MIA2: variants seen among roughly 807,000 people sequenced by gnomAD.
MIA2 encodes MIA SH3 domain ER export factor 2.
In MIA2, 127 loss-of-function variants were observed where a neutral mutation model predicts 167.8. The observed-to-expected ratio is 0.76, with a 90% CI of 0.66 to 0.88. The LOEUF (loss-of-function observed/expected upper bound fraction) is 0.88, where lower values mean the gene tolerates loss of function less well. MIA2 is among the 40% of genes least tolerant of loss of function. The pLI is 0.00. For synonymous variants in MIA2, 552 were observed against 541.9 expected, an observed-to-expected ratio of 1.02 and a Z score of -0.26; for missense variants, 1,690 against 1,624.7, an observed-to-expected ratio of 1.04 and a Z score of -0.69.
At chr14:39,384,042 G>T (rs1222697986) in intron 23 of MIA2, among the ~76,000 whole-genome samples, 1 of 152,210 alleles carries the variant, frequency 6.6e-6, no homozygotes, top group Non-Finnish European at 1.5e-5. Context: ...CAGATTTTCA[G>T]TGTAGACAAA....
intron 23 of MIA2, among the ~76,000 whole-genome samples, chr14:39,357,679 AGTGG>A (rs2074565028): frequency 6.6e-6 from 1 of 152,178 alleles, no homozygotes; most frequent in Admixed American, 6.5e-5. Context: ...ATGTTTTTGC[AGTGG>A]CTGTTACAGG....
intron 5 of MIA2, 40 bp downstream of exon 5, chr14:39,253,006 G>A (rs1431965940): frequency 6.4e-7 from 1 of 1,560,302 alleles, no homozygotes; most frequent in Non-Finnish European, 8.7e-7. Context: ...CATCAATTAA[G>A]GAAGAAATTA....
intron 23 of MIA2, among the ~76,000 whole-genome samples, chr14:39,357,633 C>G (rs998970721): frequency 3.9e-5 from 6 of 152,100 alleles, no homozygotes; most frequent in South Asian, 2.1e-4. Context: ...AGTTGATGCA[C>G]TTTCTTCCTA....
chr14:39,289,901 A>C (rs543715879), intron 9 of MIA2, among the ~76,000 whole-genome samples: 15 of 152,324 alleles, frequency 9.8e-5, no homozygotes, highest in Non-Finnish European at 2.1e-4. Context: ...TTCTTGGCTC[A>C]TAACTATGTC....
At position 39,238,793 on chromosome 14, in the gene MIA2, C is replaced by CAAAAAAAAAAAAAAAAAAAA. The variant is rs769534317; in HGVS notation, c.250-1750_250-1749insAAAAAAAAAAAAAAAAAAAA. 6.2e-4 allele frequency among the ~76,000 whole-genome samples: 19 copies of CAAAAAAAAAAAAAAAAAAAA among 30,816 alleles called. 3 individuals carry two copies. Among genetic ancestry groups the CAAAAAAAAAAAAAAAAAAAA allele is most frequent in the East Asian group, 1.8e-3 (1 of 562 alleles). 20.2% of individuals were successfully genotyped at this position (30,816 alleles called of 152,430 possible). On this transcript the variant is annotated intron_variant, in intron 2 of 28. Coordinates refer to ENST00000640607, the MANE Select transcript of MIA2 (RefSeq NM_001329214.4). ...TGGGTTACAAAGTGAGACCCTGTCTCAAAAAAAAAAAAAAAAAACCCAAAA... is the reference window on the plus strand; with the variant it reads ...TGGGTTACAAAGTGAGACCCTGTCTCAAAAAAAAAAAAAAAAAAAAAAAAAAAAAAAAAAAAAACCCAAAA...
chr14:39,273,202 C>T (rs561823078), intron 6 of MIA2, among the ~76,000 whole-genome samples: 22 of 149,626 alleles, frequency 1.5e-4, no homozygotes, highest in African/African-American at 3.9e-4. Context: ...GTTGATAGAG[C>T]GGACATTATT....
chr14:39,245,081 C>CATTTTTTTTTTTTT (rs761421469), intron 3 of MIA2, among the ~76,000 whole-genome samples: 1 of 119,718 alleles, frequency 8.4e-6, no homozygotes, highest in Admixed American at 8.8e-5. Context: ...CCTAGCTAAC[C>CATTTTTTTTTTTTT]TTTTTTTTTT....
chr14:39,280,072 A>AT (rs1594952088), intron 9 of MIA2, among the ~76,000 whole-genome samples: 3 of 151,316 alleles, frequency 2.0e-5, no homozygotes, highest in African/African-American at 4.9e-5. Flanking sequence ...GTGAAGATTC[A>AT]TTTTTTTTCC....
downstream of MIA2, among the ~76,000 whole-genome samples, chr14:39,354,836 G>C (rs988882594): frequency 4.6e-5 from 7 of 152,032 alleles, no homozygotes; most frequent in Admixed American, 2.0e-4. Flanking sequence ...CCCATTTCTT[G>C]TTTTTCTCAG....
chr14:39,237,302 A>T, intron 2 of MIA2: 4 of 464,530 alleles, frequency 8.6e-6, no homozygotes, highest in East Asian at 4.5e-5. Context: ...TAATTTTTGT[A>T]TTCTTGGTAG....
chr14:39,238,807 A>AAAAAAAAAAAAAAAAAAAAAAC (rs1566583465), intron 2 of MIA2, among the ~76,000 whole-genome samples: 1 of 148,392 alleles, frequency 6.7e-6, no homozygotes, highest in African/African-American at 2.5e-5. Flanking sequence ...AAAAAAAAAA[A>AAAAAAAAAAAAAAAAAAAAAAC]AAAACCCAAA....
In MIA2 at chr14:39,304,374, G is replaced by T. The variant is rs1006708940; in HGVS notation, c.2871G>T (p.Glu957Asp). ...QLSEVDKTKE[E>D]LTEHIKNLQT... is the part of the protein sequence containing the mutation. Reference sequence around the variant, plus strand: ...CTGAAGTTGATAAAACAAAGGAAGAGCTTACAGGTAGGTCATTGACATACA... The same window carrying T: ...CTGAAGTTGATAAAACAAAGGAAGATCTTACAGGTAGGTCATTGACATACA... Residue 957 changes from glutamate to aspartate, a missense_variant, in exon 17 of 29, where the codon GAG becomes GAT. By Grantham distance (45) the Glu-to-Asp change is conservative. Coordinates refer to ENST00000640607, the MANE Select transcript of MIA2 (RefSeq NM_001329214.4). The T allele has an allele frequency of 4.5e-6, 7 of 1,555,958 alleles. No homozygotes were observed. The highest frequency in any genetic ancestry group is 2.6e-6 in the Non-Finnish European group (3 of 1,147,368).
intron 6 of MIA2, among the ~76,000 whole-genome samples, chr14:39,269,946 A>T (rs192494499): frequency 7.5e-4 from 114 of 152,214 alleles, no homozygotes; most frequent in Middle Eastern, 3.4e-3. Flanking sequence ...TTTGTGTATA[A>T]GTTTTTATAT....
intron 4 of MIA2, among the ~76,000 whole-genome samples, chr14:39,249,981 C>G (rs1310518682): frequency 6.6e-6 from 1 of 152,100 alleles, no homozygotes; most frequent in East Asian, 1.9e-4. Flanking sequence ...TAACCCTTTT[C>G]CAAATGAGAA....
At chr14:39,307,924 T>C (rs1269222149) in intron 17 of MIA2, among the ~76,000 whole-genome samples, 1 of 151,900 alleles carries the variant, frequency 6.6e-6, no homozygotes, top group Non-Finnish European at 1.5e-5. Flanking sequence ...ATAGTAATAG[T>C]AATATGAGGG....
Position 39,293,299 on chromosome 14 carries a change from A to T in MIA2, c.2237A>T (p.Asn746Ile), listed in dbSNP as rs750137503. 4.2e-5 allele frequency: 67 copies of T among 1,612,618 alleles called. No homozygotes were observed. The highest frequency in any genetic ancestry group is 5.3e-5 in the Non-Finnish European group (63 of 1,179,232). The change falls in exon 11 of 29, where the codon AAT becomes ATT. Residue 746 changes from asparagine to isoleucine, a missense_variant. Asn to Ile is a moderately radical substitution (Grantham distance 149). Transcript: ENST00000640607. Reference sequence around the variant, plus strand: ...ACCTGTGAAAAGCTGAACAGGTCCAATTCTGAACTTGAGGATGAAATACTC... The same window carrying T: ...ACCTGTGAAAAGCTGAACAGGTCCATTTCTGAACTTGAGGATGAAATACTC... The part of the protein sequence containing the change: ...EATCEKLNRS[N>I]SELEDEILCL...
rs1474075562 is a variant in MIA2, at chr14:39,373,705, C to T, written c.2249-13180C>T. Among the ~76,000 whole-genome samples, 3 of 152,228 alleles carry T rather than the reference C, an allele frequency of 2.0e-5. No individual in the cohort carries two copies. The East Asian group carries it at 5.8e-4, about 29-fold the overall frequency. ...GCATGGTGGTGTGCACCTGTAATCC[C>T]AGCTACTTGGGAGGCTGAGGCATGA... On this transcript the variant is annotated intron_variant, in intron 23 of 23. Transcript: ENST00000341502.
At chr14:39,244,664 A>C (rs928524341) in intron 3 of MIA2, among the ~76,000 whole-genome samples, 1 of 152,224 alleles carries the variant, frequency 6.6e-6, no homozygotes, top group Non-Finnish European at 1.5e-5. Flanking sequence ...TTAAAAAAAA[A>C]GTCTTCATCA....
chr14:39,288,475 A>ATTTTTTT (rs1247369150), intron 9 of MIA2, among the ~76,000 whole-genome samples: 1 of 50,514 alleles, frequency 2.0e-5, no homozygotes, highest in East Asian at 7.6e-4. Context: ...ATATATATAT[A>ATTTTTTT]TTTTTTTTTT....
Sources: allele counts gnomAD v4.1 joint callset (sites outside exome capture counted in the v4.1 genomes callset), GRCh38; gene constraint gnomAD v4.1.1; transcripts MANE v1.5; gene names NCBI Gene and HGNC (gene_info 2026-07-23, HGNC 2026-07-21).